The following SWT1 variants were observed in gnomAD, a reference collection of about 807,000 sequenced individuals.
SWT1 encodes SWT1 RNA endoribonuclease homolog.
SWT1 carries 33 observed loss-of-function variants against 107.3 expected under a neutral mutation model. The observed-to-expected ratio is 0.31, with a 90% CI of 0.23 to 0.41. The LOEUF (loss-of-function observed/expected upper bound fraction) is 0.41. Among genes scored for constraint, SWT1 ranks in the 10% least tolerant of loss-of-function variants. The pLI, the probability that SWT1 is intolerant of heterozygous loss-of-function variation, is 1.00. For synonymous variants in SWT1, 345 were observed against 348.3 expected (o/e 0.99, Z 0.11); for missense variants, 898 against 1,028.9 (o/e 0.87, Z 1.74).
At chr1:185,233,254 C>T (rs1006046338) in intron 16 of SWT1, among the ~76,000 whole-genome samples, 2 of 152,172 alleles carry the variant, frequency 1.3e-5, no homozygotes, top group Non-Finnish European at 2.9e-5. Flanking sequence ...AAAACCAGCT[C>T]CTGGATTCAT....
chr1:185,206,766 A>G lies in SWT1; in HGVS notation c.1972+3A>G. ...CCTATACAAAAATCTCCGTAAAGGTATGAATCTTTTATTTTTCTCTTTAGC... is the reference window on the plus strand; with the variant it reads ...CCTATACAAAAATCTCCGTAAAGGTGTGAATCTTTTATTTTTCTCTTTAGC... On this transcript the variant is annotated splice_donor_region_variant and intron_variant, in intron 13 of 18. Transcript: ENST00000367500. 6.3e-7 allele frequency: 1 copy of G among 1,579,276 alleles called. No homozygotes were observed.
At chr1:185,195,912 G>T (rs1657345123) in intron 10 of SWT1, among the ~76,000 whole-genome samples, 1 of 152,100 alleles carries the variant, frequency 6.6e-6, no homozygotes, top group South Asian at 2.1e-4. Context: ...CAAATGATAG[G>T]TTGCAAAAAA....
chr1:185,223,325 T>C (rs1394194340), intron 15 of SWT1, among the ~76,000 whole-genome samples: 1 of 152,042 alleles, frequency 6.6e-6, no homozygotes, highest in Non-Finnish European at 1.5e-5. Flanking sequence ...CAAACGATCC[T>C]CTCACCTCAT....
Position 185,221,973 on chromosome 1 carries a change from C to A in SWT1, c.2246C>A (p.Pro749His). The change falls in exon 15 of 19, where the codon CCC (proline) becomes CAC (histidine). Residue 749 changes from proline (P) to histidine (H), a missense_variant. By Grantham distance (77) the Pro-to-His change is moderately conservative. Around this residue, in one of 6 missense-constraint regions of SWT1, gnomAD observed 382 missense variants for 460.0 expected, o/e 0.83. Transcript: ENST00000367500. ...TVFSSSHLPQ[P>H]SRHQEIWSIL... Reference sequence around the variant, plus strand: ...TTCTCGAGTTCTCATCTTCCCCAACCCAGCAGGCATCAAGAAATCTGGTCT... The same window carrying A: ...TTCTCGAGTTCTCATCTTCCCCAACACAGCAGGCATCAAGAAATCTGGTCT... The A allele has an allele frequency of 3.1e-6, 5 of 1,612,234 alleles. No homozygotes were observed. The highest frequency in any genetic ancestry group is 4.2e-6 in the Non-Finnish European group (5 of 1,179,258).
intron 7 of SWT1, among the ~76,000 whole-genome samples, chr1:185,183,770 G>T (rs1448484088): frequency 6.6e-6 from 1 of 152,176 alleles, no homozygotes; most frequent in East Asian, 1.9e-4. Context: ...TTCTACTGGT[G>T]GGTGATTAAA....
At chr1:185,217,776 A>T (rs973219962) in intron 14 of SWT1, among the ~76,000 whole-genome samples, 1 of 152,130 alleles carries the variant, frequency 6.6e-6, no homozygotes, top group African/African-American at 2.4e-5. Context: ...TTGTATTTTT[A>T]GTAGAGACAG....
chr1:185,172,664 A>C (rs1655172006), intron 4 of SWT1, among the ~76,000 whole-genome samples: 6 of 152,094 alleles, frequency 3.9e-5, no homozygotes, highest in Admixed American at 3.3e-4. Flanking sequence ...ATGTTGTTTT[A>C]CATTTCTACC....
chr1:185,165,134 T>C (rs1571388861), intron 2 of SWT1, among the ~76,000 whole-genome samples: 2 of 151,978 alleles, frequency 1.3e-5, no homozygotes, highest in Non-Finnish European at 2.9e-5. Flanking sequence ...GGCGAATGGG[T>C]GATTGGTGAA....
chr1:185,214,094 A>G (rs1005227408), intron 13 of SWT1, among the ~76,000 whole-genome samples: 2 of 152,140 alleles, frequency 1.3e-5, no homozygotes, highest in Non-Finnish European at 2.9e-5. Flanking sequence ...GAGAGGTACC[A>G]TATATAACTG....
At chr1:185,158,005 C>T (rs1405974951) in intron 1 of SWT1, among the ~76,000 whole-genome samples, 1 of 152,202 alleles carries the variant, frequency 6.6e-6, no homozygotes, top group African/African-American at 2.4e-5. Context: ...CGTGAACTTT[C>T]TGGCTGCCCT....
rs772420546 is a variant in SWT1 at position 185,175,039 on chromosome 1, C to G, written c.892C>G (p.His298Asp). 2 of 1,601,680 alleles carry G rather than the reference C, an allele frequency of 1.2e-6. No homozygotes were observed. The highest frequency in any genetic ancestry group is 1.7e-5 in the Admixed American group (1 of 57,662). The change falls in exon 5 of 19, where the codon CAT (histidine) becomes GAT (aspartate). Residue 298 changes from histidine to aspartate, a missense_variant. This residue lies in a region of SWT1 where 382 missense variants were observed against 362.4 expected (regional missense o/e 1.05). Coordinates refer to ENST00000367500, the MANE Select transcript of SWT1 (RefSeq NM_017673.7). ...LSDFTYKRTV[H>D]EWKRKHHYDH... ...AGATTTTACATATAAGCGGACTGTT[C>G]ATGAGTGGAAACGAAAACATCATTA...
intron 16 of SWT1, among the ~76,000 whole-genome samples, chr1:185,233,693 T>C (rs941466803): frequency 1.4e-4 from 21 of 152,220 alleles, no homozygotes; most frequent in African/African-American, 5.1e-4. Context: ...TACATTCTTT[T>C]GCATTTGCTG....
At chr1:185,239,819 C>T (rs1246852254) in intron 16 of SWT1, among the ~76,000 whole-genome samples, 1 of 151,830 alleles carries the variant, frequency 6.6e-6, no homozygotes, top group East Asian at 1.9e-4. Context: ...CTCTTAAGAC[C>T]ACAGAAACCT....
chr1:185,168,358 G>A lies in SWT1; in HGVS notation c.184G>A (p.Val62Ile), dbSNP rs757367594. Residue 62 changes from valine to isoleucine, a missense_variant, in exon 4 of 19, where the codon GTT (valine) becomes ATT (isoleucine). Around this residue, in one of 6 missense-constraint regions of SWT1, gnomAD observed 382 missense variants for 362.4 expected, o/e 1.05. Transcript: ENST00000367500. ...KRKLKSDHTDVLYYNIKRRQG... is the reference protein window; with the variant it reads ...KRKLKSDHTDILYYNIKRRQG... ...ATTTCAGAAATCAGATCATACAGATGTTCTGTACTATAATATAAAAAGAAG... is the reference window on the plus strand; with the variant it reads ...ATTTCAGAAATCAGATCATACAGATATTCTGTACTATAATATAAAAAGAAG... 6 of 1,322,394 alleles carry A rather than the reference G, an allele frequency of 4.5e-6. No individual in the cohort carries two copies. Among genetic ancestry groups the A allele is most frequent in the South Asian group, 1.4e-5 (1 of 69,500 alleles). The allele number at this position is 1,322,394 out of a possible 1,614,324, so 81.9% of individuals were successfully genotyped here.
At chr1:185,252,964 G>T (rs1323365102) in intron 16 of SWT1, among the ~76,000 whole-genome samples, 1 of 142,466 alleles carries the variant, frequency 7.0e-6, no homozygotes. Flanking sequence ...TTTGTATAAG[G>T]TGTAAGGAAG....
At chr1:185,192,173 G>A (rs1657010411) in intron 10 of SWT1, among the ~76,000 whole-genome samples, 1 of 152,102 alleles carries the variant, frequency 6.6e-6, no homozygotes, top group African/African-American at 2.4e-5. Flanking sequence ...GTCTGCACCA[G>A]CAATACAATT....
At chr1:185,220,871 T>A (rs903299713) in intron 14 of SWT1, among the ~76,000 whole-genome samples, 2 of 152,226 alleles carry the variant, frequency 1.3e-5, no homozygotes, top group Non-Finnish European at 2.9e-5. Context: ...AATGTGATCT[T>A]TAAAATTGCA....
intron 16 of SWT1, among the ~76,000 whole-genome samples, chr1:185,269,455 A>G (rs1407068782): frequency 6.9e-6 from 1 of 144,410 alleles, no homozygotes; most frequent in East Asian, 2.1e-4. Context: ...GGAGGTTGTT[A>G]TATATTCTTA....
chr1:185,230,241 T>G (rs1273150843), intron 15 of SWT1, among the ~76,000 whole-genome samples: 1 of 152,204 alleles, frequency 6.6e-6, no homozygotes, highest in Non-Finnish European at 1.5e-5. Flanking sequence ...GGAATGTAAT[T>G]AGTTTCCTAC....
Sources: allele counts gnomAD v4.1 joint callset (sites outside exome capture counted in the v4.1 genomes callset), GRCh38; gene constraint gnomAD v4.1.1; regional missense constraint gnomAD v4.1.1; transcripts MANE v1.5; gene names NCBI Gene and HGNC (gene_info 2026-07-23, HGNC 2026-07-21).